The following GNAQ variants were observed in gnomAD, a reference collection of about 807,000 sequenced individuals.
GNAQ encodes guanine nucleotide-binding protein G(q) subunit alpha.
A neutral mutation model predicts 43.9 loss-of-function variants in GNAQ; 8 were observed. That is an observed-to-expected ratio of 0.18 (90% CI 0.11 to 0.33). The LOEUF is 0.33. Ranked by LOEUF, GNAQ falls within the 10% of genes least tolerant of loss-of-function variation. The pLI, the probability that GNAQ is intolerant of heterozygous loss-of-function variation, is 1.00. For missense variants in GNAQ, 158 were observed against 450.8 expected (o/e 0.35, Z 5.88); for synonymous variants, 155 against 170.7 (o/e 0.91, Z 0.71).
intron 2 of GNAQ, among the ~76,000 whole-genome samples, chr9:77,848,940 A>G (rs1198359831): frequency 3.9e-5 from 6 of 152,256 alleles, no homozygotes; most frequent in South Asian, 2.1e-4. Flanking sequence ...CGTTCTAGAC[A>G]TAATAAAGGA....
chr9:77,926,133 C>CA (rs1410107315), intron 1 of GNAQ, among the ~76,000 whole-genome samples: 1 of 152,114 alleles, frequency 6.6e-6, no homozygotes. Flanking sequence ...GAAAAAAACT[C>CA]AGCTTCTTTG....
intron 1 of GNAQ, among the ~76,000 whole-genome samples, chr9:77,988,579 G>C (rs1046315545): frequency 7.2e-5 from 11 of 152,198 alleles, no homozygotes; most frequent in African/African-American, 2.7e-4. Context: ...TTATGGGATA[G>C]GAAGCATGGT....
intron 1 of GNAQ, among the ~76,000 whole-genome samples, chr9:77,988,530 GGACA>G (rs1484360615): frequency 6.6e-6 from 1 of 152,080 alleles, no homozygotes; most frequent in African/African-American, 2.4e-5. Context: ...AGGATTCAGG[GGACA>G]GACAGATCTG....
intron 1 of GNAQ, among the ~76,000 whole-genome samples, chr9:77,983,587 T>C (rs1262059607): frequency 6.6e-6 from 1 of 152,330 alleles, no homozygotes; most frequent in South Asian, 2.1e-4. Context: ...GTGTATTCCT[T>C]ATTCCTCATA....
intron 1 of GNAQ, among the ~76,000 whole-genome samples, chr9:77,938,714 A>G (rs1196747452): frequency 2.6e-5 from 4 of 152,242 alleles, no homozygotes; most frequent in Non-Finnish European, 4.4e-5. Context: ...TGGAAGGTCC[A>G]GAAGGAAAAC....
At chr9:77,840,136 T>C (rs932464973) in intron 2 of GNAQ, among the ~76,000 whole-genome samples, 8 of 152,222 alleles carry the variant, frequency 5.3e-5, no homozygotes, top group Non-Finnish European at 1.0e-4. Context: ...CTTTGCCATT[T>C]TGGATGCATA....
intron 1 of GNAQ, among the ~76,000 whole-genome samples, chr9:78,012,978 G>A (rs1359189454): frequency 6.6e-6 from 1 of 152,198 alleles, no homozygotes; most frequent in African/African-American, 2.4e-5. Context: ...TTAACTTGAT[G>A]CTAGCAGAGA....
At chr9:77,857,402 G>A (rs973573328) in intron 2 of GNAQ, among the ~76,000 whole-genome samples, 1 of 151,916 alleles carries the variant, frequency 6.6e-6, no homozygotes, top group African/African-American at 2.4e-5. Flanking sequence ...TAACTTGCAG[G>A]GATCCAGATC....
chr9:77,885,391 G>A (rs1828285702), intron 2 of GNAQ, among the ~76,000 whole-genome samples: 1 of 152,148 alleles, frequency 6.6e-6, no homozygotes, highest in Admixed American at 6.5e-5. Flanking sequence ...TGAAAAGTGA[G>A]GGTAGTAGGT....
chr9:77,910,670 G>A (rs1315285728), intron 2 of GNAQ, among the ~76,000 whole-genome samples: 2 of 151,694 alleles, frequency 1.3e-5, no homozygotes, highest in Non-Finnish European at 2.9e-5. Flanking sequence ...AGTTTCTGTT[G>A]ACTACAACAT....
chr9:77,993,595 C>T (rs1044398431), intron 1 of GNAQ, among the ~76,000 whole-genome samples: 4 of 151,644 alleles, frequency 2.6e-5, no homozygotes, highest in Admixed American at 6.6e-5. Context: ...CCAGCTACTC[C>T]GGAGGCTGAG....
At chr9:77,953,583 C>A (rs1034071289) in intron 1 of GNAQ, among the ~76,000 whole-genome samples, 1 of 152,126 alleles carries the variant, frequency 6.6e-6, no homozygotes, top group Non-Finnish European at 1.5e-5. Flanking sequence ...AAGGGCCCGG[C>A]GAAGGTCTCC....
intron 5 of GNAQ, among the ~76,000 whole-genome samples, chr9:77,763,100 ATAAAAT>A (rs1826077293): frequency 6.7e-6 from 1 of 149,134 alleles, no homozygotes; most frequent in Non-Finnish European, 1.5e-5. Flanking sequence ...ATCAATAAAA[ATAAAAT>A]TAAAAAAAAA....
chr9:77,781,180 C>T (rs984287167), intron 5 of GNAQ, among the ~76,000 whole-genome samples: 8 of 151,940 alleles, frequency 5.3e-5, no homozygotes, highest in Non-Finnish European at 5.9e-5. Flanking sequence ...TTTCCCAGAC[C>T]TATGTCCTGA....
chr9:77,815,547 T>C (rs1826998612), intron 3 of GNAQ, 69 bp downstream of exon 3: 4 of 985,512 alleles, frequency 4.1e-6, no homozygotes, highest in South Asian at 1.5e-5. Context: ...AAAGAAGTTA[T>C]GATAATCATA....
chr9:78,005,781 C>T (rs911802961), intron 1 of GNAQ, among the ~76,000 whole-genome samples: 4 of 152,136 alleles, frequency 2.6e-5, no homozygotes, highest in Admixed American at 1.3e-4. Context: ...TGTTAGGCAT[C>T]CCCACGACTA....
intron 5 of GNAQ, among the ~76,000 whole-genome samples, chr9:77,759,787 C>T (rs1434015034): frequency 6.6e-6 from 1 of 152,192 alleles, no homozygotes; most frequent in Non-Finnish European, 1.5e-5. Context: ...CTCTCCATCT[C>T]CAAAAGGCTC....
chr9:77,845,455 AG>A (rs1827569850), intron 2 of GNAQ, among the ~76,000 whole-genome samples: 2 of 152,344 alleles, frequency 1.3e-5, no homozygotes, highest in Admixed American at 1.3e-4. Context: ...AAATATCTGC[AG>A]AACACATGAG....
chr9:77,952,056 C>T (rs1313977445), intron 1 of GNAQ, among the ~76,000 whole-genome samples: 1 of 152,148 alleles, frequency 6.6e-6, no homozygotes, highest in Non-Finnish European at 1.5e-5. Context: ...GGCAAAAAGA[C>T]AAAACTCATA....
Sources: allele counts gnomAD v4.1 joint callset (sites outside exome capture counted in the v4.1 genomes callset), GRCh38; gene constraint gnomAD v4.1.1; transcripts MANE v1.5; gene names NCBI Gene and HGNC (gene_info 2026-07-23, HGNC 2026-07-21).